The following PDE6A variants were observed in gnomAD, a reference collection of about 807,000 sequenced individuals.
The protein encoded by PDE6A is rod cGMP-specific 3',5'-cyclic phosphodiesterase subunit alpha.
PDE6A carries 84 observed loss-of-function variants against 106.3 expected under a neutral mutation model. That is an observed-to-expected ratio of 0.79 (90% confidence interval 0.66 to 0.95). The LOEUF is 0.95. PDE6A is among the 40% of genes least tolerant of loss of function. The probability of loss-of-function intolerance (pLI) is 0.00; values close to 1 mark genes in which losing one functional copy is unlikely to be tolerated. For missense variants in PDE6A, 1,052 were observed against 1,084.9 expected, an observed-to-expected ratio of 0.97 and a Z score of 0.43; for synonymous variants, 394 against 386.6, an observed-to-expected ratio of 1.02 and a Z score of -0.23.
At chr5:149,910,874 C>CTTTTTTTTCTTT (rs1753358402) in intron 6 of PDE6A, among the ~76,000 whole-genome samples, 1 of 87,144 alleles carries the variant, frequency 1.1e-5, no homozygotes. Context: ...TTTCTTTTTC[C>CTTTTTTTTCTTT]TTTTTTTTTT....
At chr5:149,942,700 C>G (rs1754356411) in intron 1 of PDE6A, among the ~76,000 whole-genome samples, 1 of 151,730 alleles carries the variant, frequency 6.6e-6, no homozygotes. Context: ...TGTGGCAGGA[C>G]TATAGGGTAA....
chr5:149,937,214 G>T (rs1754207912), intron 1 of PDE6A, among the ~76,000 whole-genome samples: 1 of 152,148 alleles, frequency 6.6e-6, no homozygotes. Flanking sequence ...CCAGCAGGTA[G>T]GAATGAGGCT....
In PDE6A at chr5:149,860,548, CA is replaced by C. The variant is rs1293539793; in HGVS notation, c.*346del. ...GGATAAGGTATAAGCCAAGCTTGTT[CA>C]ACCCACGGCCCGTGGGCCACATGCA... is the stretch of plus-strand genomic sequence containing the variant. On this transcript the variant is annotated 3_prime_UTR_variant, in exon 22 of 22. Transcript: ENST00000255266. 9 of 210,956 alleles carry C rather than the reference CA, an allele frequency of 4.3e-5. No individual in the cohort carries two copies. Among genetic ancestry groups the C allele is most frequent in the Non-Finnish European group, 7.6e-5 (8 of 104,734 alleles). The allele number at this position is 210,956 out of a possible 1,614,324, so 13.1% of individuals were successfully genotyped here. A position where few individuals can be genotyped will look rare whatever the true frequency, so the allele number is the denominator to read the frequency against.
chr5:149,882,976 T>C (rs972970773), intron 17 of PDE6A, among the ~76,000 whole-genome samples: 2 of 152,128 alleles, frequency 1.3e-5, no homozygotes, highest in Admixed American at 6.5e-5. Context: ...GAGAATTGCT[T>C]GAACCTGGGA....
intron 21 of PDE6A, 142 bp downstream of exon 21, chr5:149,862,977 G>T: frequency 1.9e-6 from 2 of 1,036,956 alleles, no homozygotes; most frequent in Non-Finnish European, 3.0e-6. Context: ...CAGCCTTGGT[G>T]CTCTCACACA....
At chr5:149,892,568 T>C (rs1035107213) in intron 13 of PDE6A, among the ~76,000 whole-genome samples, 1 of 151,402 alleles carries the variant, frequency 6.6e-6, no homozygotes, top group Non-Finnish European at 1.5e-5. Flanking sequence ...CACAGCTCAC[T>C]GCAGCCTCAG....
At chr5:149,928,410 T>G (rs113440654) in intron 4 of PDE6A, among the ~76,000 whole-genome samples, 38,204 of 148,706 alleles carry the variant, frequency 0.26, 6,338 homozygotes, top group African/African-American at 0.46. Context: ...GCTAATTTTT[T>G]TATTTTTAGT....
At chr5:149,942,485 G>T (rs1329562176) in intron 1 of PDE6A, among the ~76,000 whole-genome samples, 2 of 152,124 alleles carry the variant, frequency 1.3e-5, no homozygotes, top group Non-Finnish European at 2.9e-5. Context: ...AAGGGGGCCA[G>T]CCCCTCCATG....
intron 7 of PDE6A, among the ~76,000 whole-genome samples, chr5:149,905,186 CT>C: frequency 6.6e-6 from 1 of 152,168 alleles, no homozygotes; most frequent in Admixed American, 6.5e-5. Flanking sequence ...CTCCAAACAC[CT>C]CTGAACCTTC....
chr5:149,931,693 C>A (rs1489149522), intron 3 of PDE6A, among the ~76,000 whole-genome samples: 2 of 152,104 alleles, frequency 1.3e-5, no homozygotes, highest in African/African-American at 2.4e-5. Context: ...TTGAGAAACA[C>A]GACAAAATAA....
At chr5:149,920,663 C>G (rs1753677838) in intron 5 of PDE6A, among the ~76,000 whole-genome samples, 2 of 152,122 alleles carry the variant, frequency 1.3e-5, no homozygotes, top group Admixed American at 1.3e-4. Flanking sequence ...CAGCTCCAAT[C>G]AAATTTGCCC....
chr5:149,890,490 CTG>C (rs1397271810), intron 13 of PDE6A, among the ~76,000 whole-genome samples: 1 of 152,056 alleles, frequency 6.6e-6, no homozygotes, highest in African/African-American at 2.4e-5. Context: ...GTTTCAGAAA[CTG>C]TATAAAATTC....
intron 20 of PDE6A, among the ~76,000 whole-genome samples, chr5:149,864,890 A>T (rs896811803): frequency 6.6e-6 from 1 of 152,208 alleles, no homozygotes; most frequent in Non-Finnish European, 1.5e-5. Flanking sequence ...TTTTGATAAC[A>T]TATATAAAGC....
At chr5:149,903,513 G>A (rs2113607466) in intron 8 of PDE6A, 135 bp downstream of exon 8, 2 of 743,002 alleles carry the variant, frequency 2.7e-6, no homozygotes, top group Admixed American at 3.9e-5. Flanking sequence ...CATTGGTACA[G>A]GAATTTTATC....
chr5:149,884,812 A>G lies in PDE6A; in HGVS notation c.1894T>C (p.Leu632=). 4.3e-6 allele frequency: 7 copies of G among 1,614,138 alleles called. No homozygotes were observed. The highest frequency in any genetic ancestry group is 5.9e-6 in the Non-Finnish European group (7 of 1,180,012). Residue 632 remains leucine, a synonymous_variant, in exon 15 of 22, where the codon TTG becomes CTG. Coordinates refer to ENST00000255266, the MANE Select transcript of PDE6A (RefSeq NM_000440.3). ...HGSSILERHH[L]EFGKTLLRDE... ...CTGAGCAGTGTTTTGCCAAACTCCA[A>G]GTGGTGTCTTTCCAAGATAGAGGAC...
chr5:149,904,398 G>C (rs1753105502), intron 7 of PDE6A, among the ~76,000 whole-genome samples: 1 of 152,154 alleles, frequency 6.6e-6, no homozygotes, highest in Non-Finnish European at 1.5e-5. Flanking sequence ...AATTGAACCA[G>C]TTTACCCTAC....
chr5:149,897,002 G>C (rs568046833), intron 10 of PDE6A, among the ~76,000 whole-genome samples: 3 of 152,290 alleles, frequency 2.0e-5, no homozygotes, highest in Admixed American at 6.5e-5. Flanking sequence ...TAATGCTTCT[G>C]ATCTTCAGTT....
chr5:149,895,330 A>G (rs768277020), intron 12 of PDE6A, 40 bp from the exon 13 acceptor site: 2 of 1,353,518 alleles, frequency 1.5e-6, no homozygotes, highest in Non-Finnish European at 2.1e-6. Context: ...GACACACCTG[A>G]AATGGTCTCA....
intron 20 of PDE6A, 84 bp downstream of exon 20, chr5:149,866,086 T>C: frequency 1.0e-6 from 1 of 972,102 alleles, no homozygotes; most frequent in Non-Finnish European, 1.7e-6. Context: ...GGTCACCTGC[T>C]AGGGTTTATT....
Sources: allele counts gnomAD v4.1 joint callset (sites outside exome capture counted in the v4.1 genomes callset), GRCh38; gene constraint gnomAD v4.1.1; transcripts MANE v1.5; gene names NCBI Gene and HGNC (gene_info 2026-07-23, HGNC 2026-07-21).